The following KDSR variants were observed in gnomAD, a reference collection of about 807,000 sequenced individuals.
KDSR encodes 3-ketodihydrosphingosine reductase.
Under a neutral mutation model 41.3 loss-of-function variants are expected in KDSR, and 23 were observed. The ratio of observed to expected loss-of-function variants is 0.56; its 90% CI spans 0.40 to 0.79. The LOEUF (loss-of-function observed/expected upper bound fraction) is 0.79. Among genes scored for constraint, KDSR ranks in the 30% least tolerant of loss-of-function variants. The pLI, the probability that KDSR is intolerant of heterozygous loss-of-function variation, is 0.00. For missense variants in KDSR, 351 were observed against 416.8 expected, an observed-to-expected ratio of 0.84 and a Z score of 1.37; for synonymous variants, 138 against 151.7, an observed-to-expected ratio of 0.91 and a Z score of 0.66.
intron 8 of KDSR, among the ~76,000 whole-genome samples, chr18:63,337,094 T>TATATATATA (rs1568275938): frequency 2.6e-5 from 1 of 38,702 alleles, no homozygotes; most frequent in Admixed American, 4.4e-4. Flanking sequence ...ATATGTGACT[T>TATATATATA]TATATATATA....
intron 2 of KDSR, among the ~76,000 whole-genome samples, chr18:63,361,209 C>CAAAAAAAAAAAAA (rs71162630): frequency 6.4e-5 from 1 of 15,512 alleles, no homozygotes; most frequent in Non-Finnish European, 1.4e-4. Context: ...AACTCCGTCT[C>CAAAAAAAAAAAAA]AAAAAAAAAA....
intron 1 of KDSR, among the ~76,000 whole-genome samples, chr18:63,365,285 T>A (rs1022195301): frequency 2.0e-5 from 3 of 152,248 alleles, no homozygotes; most frequent in African/African-American, 7.2e-5. Context: ...GTTTTAAAAA[T>A]GAAACAATTG....
Position 63,331,732 on chromosome 18 carries a change from C to A in KDSR, c.*50G>T. ...CCAAAAATTGGGTCCCATTTAGCAG[C>A]AAGCTGTTCAAATTATTTGGAAACA... On this transcript the variant is annotated 3_prime_UTR_variant, in exon 10 of 10. Coordinates refer to ENST00000645214, the MANE Select transcript of KDSR (RefSeq NM_002035.4). 1 of 1,592,312 alleles carries A rather than the reference C, an allele frequency of 6.3e-7. No individual in the cohort carries two copies. Among genetic ancestry groups the A allele is most frequent in the South Asian group, 1.1e-5 (1 of 87,956 alleles).
intron 7 of KDSR, among the ~76,000 whole-genome samples, chr18:63,340,792 C>T (rs1210674243): frequency 6.6e-6 from 1 of 152,202 alleles, no homozygotes; most frequent in African/African-American, 2.4e-5. Context: ...AATTTACTAA[C>T]CAGATTCTTA....
At position 63,329,230 on chromosome 18, in the gene KDSR, T is replaced by C. The variant is rs1913900747; in HGVS notation, c.*2552A>G. The stretch of plus-strand genomic sequence containing the variant: ...CTTATCCAAAACCCGCTGGGCTGGA[T>C]GTGTTTCAGAATTCATAATCTTTGG... On this transcript the variant is annotated 3_prime_UTR_variant, in exon 10 of 10. Transcript: ENST00000645214. 4.8e-6 allele frequency: 1 copy of C among 209,786 alleles called. No homozygotes were observed. Among genetic ancestry groups the C allele is most frequent in the African/African-American group, 2.3e-5 (1 of 44,032 alleles). The allele number at this position is 209,786 out of a possible 1,614,324, so 13.0% of individuals were successfully genotyped here.
intron 3 of KDSR, among the ~76,000 whole-genome samples, chr18:63,358,037 G>A (rs370768730): frequency 5.2e-4 from 79 of 152,204 alleles, no homozygotes; most frequent in Middle Eastern, 6.8e-3. Flanking sequence ...TTAGCTGGGC[G>A]TAGTGACGCG....
At chr18:63,345,963 A>C (rs1002190860) in intron 6 of KDSR, 1 of 151,798 alleles carries the variant, frequency 6.6e-6, no homozygotes, top group Admixed American at 6.6e-5. Flanking sequence ...ACAACAAAAA[A>C]ACAACAAAAA....
Position 63,329,339 on chromosome 18 carries a change from A to C in KDSR, c.*2443T>G, listed in dbSNP as rs759805245. The stretch of plus-strand genomic sequence containing the variant: ...TAAGGGAAAACCTATAATCAAATCC[A>C]TGGATATTTCTTCAGGGAAAATTAA... On this transcript the variant is annotated 3_prime_UTR_variant, in exon 10 of 10. Transcript: ENST00000645214. 6 of 207,972 alleles carry C rather than the reference A, an allele frequency of 2.9e-5. No individual in the cohort carries two copies. Among genetic ancestry groups the C allele is most frequent in the Non-Finnish European group, 4.9e-5 (5 of 101,998 alleles). The allele number at this position is 207,972 out of a possible 1,614,324, so 12.9% of individuals were successfully genotyped here.
At position 63,360,270 on chromosome 18, in the gene KDSR, G is replaced by A. The variant is rs574295376; in HGVS notation, c.199-478C>T. Among the ~76,000 whole-genome samples the A allele has an allele frequency of 1.3e-3, 197 of 152,232 alleles. 5 individuals carry two copies. The South Asian group carries it at 0.034, about 26-fold the overall frequency. On this transcript the variant is annotated intron_variant, in intron 2 of 9. Transcript: ENST00000645214. ...GTAAGAATCACTTTCTGGATAGACT[G>A]GGTAAACTAGGCCTGGCTACTATAA...
At position 63,335,291 on chromosome 18, in the gene KDSR, G is replaced by T; in HGVS notation, c.845C>A (p.Ala282Asp). The T allele has an allele frequency of 1.2e-6, 2 of 1,613,898 alleles. No homozygotes were observed. The highest frequency in any genetic ancestry group is 1.7e-6 in the Non-Finnish European group (2 of 1,179,814). The change falls in exon 9 of 10, where the codon GCT becomes GAT. Residue 282 changes from alanine (A) to aspartate (D), a missense_variant. Transcript: ENST00000645214. ...YMLSALTCGM[A>D]PVTSITEGLQ... Reference sequence around the variant, plus strand: ...CCCCTCAGTAATAGAAGTTACTGGAGCCATCCCACAGGTCAGGGCCGAGAG... The same window carrying T: ...CCCCTCAGTAATAGAAGTTACTGGATCCATCCCACAGGTCAGGGCCGAGAG...
At position 63,331,675 on chromosome 18, in the gene KDSR, G is replaced by T; in HGVS notation, c.*107C>A. The T allele has an allele frequency of 9.5e-7, 1 of 1,054,806 alleles. No homozygotes were observed. The highest frequency in any genetic ancestry group is 2.4e-5 in the East Asian group (1 of 41,792). The allele number at this position is 1,054,806 out of a possible 1,614,324, so 65.3% of individuals were successfully genotyped here. A position where few individuals can be genotyped will look rare whatever the true frequency, so the allele number is the denominator to read the frequency against. ...CTGAAGAGCACTGGTCCAATCTGAC[G>T]TATTCGAAAACAATACATAAGTGTC... is the stretch of plus-strand genomic sequence containing the variant. On this transcript the variant is annotated 3_prime_UTR_variant, in exon 10 of 10. Transcript: ENST00000645214.
intron 7 of KDSR, among the ~76,000 whole-genome samples, chr18:63,343,411 T>C (rs1914404056): frequency 6.6e-6 from 1 of 150,516 alleles, no homozygotes; most frequent in South Asian, 2.1e-4. Context: ...TTTTTAGATA[T>C]TGGTTCTCGC....
chr18:63,356,284 A>G (rs1443949821), intron 3 of KDSR, among the ~76,000 whole-genome samples: 1 of 152,060 alleles, frequency 6.6e-6, no homozygotes, highest in African/African-American at 2.4e-5. Flanking sequence ...TTATAATCCC[A>G]GCTACTCAGG....
At chr18:63,365,355 AACAATACC>A (rs901895125) in intron 1 of KDSR, among the ~76,000 whole-genome samples, 2 of 152,252 alleles carry the variant, frequency 1.3e-5, no homozygotes, top group African/African-American at 4.8e-5. Flanking sequence ...TCCCTCTCCC[AACAATACC>A]ACAGTCAACT....
intron 3 of KDSR, among the ~76,000 whole-genome samples, chr18:63,358,190 AAAT>A (rs1467199987): frequency 6.6e-6 from 1 of 151,996 alleles, no homozygotes; most frequent in African/African-American, 2.4e-5. Context: ...AATAAGAAAT[AAAT>A]AATAATAATA....
intron 6 of KDSR, 192 bp from the exon 7 acceptor site, chr18:63,344,685 T>C: frequency 2.0e-6 from 1 of 507,274 alleles, no homozygotes; most frequent in Non-Finnish European, 3.5e-6. Context: ...GGCAAAAAGC[T>C]CACCCTAACC....
At chr18:63,353,424 G>A (rs974103483) in intron 5 of KDSR, among the ~76,000 whole-genome samples, 5 of 152,240 alleles carry the variant, frequency 3.3e-5, no homozygotes, top group Middle Eastern at 3.4e-3. Flanking sequence ...AATGCTAAGC[G>A]GGGAGTGGAG....
chr18:63,341,049 T>C (rs556348706), intron 7 of KDSR, among the ~76,000 whole-genome samples: 1 of 152,296 alleles, frequency 6.6e-6, no homozygotes, highest in African/African-American at 2.4e-5. Context: ...CTGCATCCCC[T>C]CCTGATCATC....
chr18:63,357,278 A>G (rs904730867), intron 3 of KDSR, among the ~76,000 whole-genome samples: 1 of 152,268 alleles, frequency 6.6e-6, no homozygotes, highest in Admixed American at 6.5e-5. Context: ...AACTGCATAC[A>G]CTACAGCTCT....
Sources: gnomAD v4.1 joint callset for allele counts (sites outside exome capture counted in the v4.1 genomes callset) on GRCh38, gnomAD v4.1.1 for gene constraint, MANE v1.5 for transcripts, NCBI Gene and HGNC (gene_info 2026-07-23, HGNC 2026-07-21) for gene names.